Variants in DGKH observed in about 807,000 individuals in gnomAD.
The protein encoded by DGKH is diacylglycerol kinase eta, also known as DAG kinase eta.
Under a neutral mutation model 159.3 loss-of-function variants are expected in DGKH, and 90 were observed. The ratio of observed to expected loss-of-function variants is 0.57; its 90% CI spans 0.48 to 0.67. DGKH has a LOEUF of 0.67. DGKH is among the 30% of genes least tolerant of loss of function. DGKH has a pLI of 0.00. For missense variants in DGKH, 1,181 were observed against 1,506.1 expected (o/e 0.78, Z 3.57); for synonymous variants, 536 against 553.8 (o/e 0.97, Z 0.45).
At chr13:42,061,955 G>A (rs1593968374) in intron 1 of DGKH, among the ~76,000 whole-genome samples, 1 of 151,114 alleles carries the variant, frequency 6.6e-6, no homozygotes, top group African/African-American at 2.4e-5. Context: ...GATAAAGCAG[G>A]GTAAAGGGAG....
intron 1 of DGKH, among the ~76,000 whole-genome samples, chr13:42,087,044 A>AAC (rs71298957): frequency 0.25 from 35,016 of 139,914 alleles, 4,382 homozygotes; most frequent in South Asian, 0.32. Flanking sequence ...CCAGAAGGAA[A>AAC]ACACACACAC....
chr13:42,199,586 G>A lies in DGKH; in HGVS notation c.2306G>A (p.Cys769Tyr). 1 of 1,590,156 alleles carries A rather than the reference G, an allele frequency of 6.3e-7. No individual in the cohort carries two copies. Among genetic ancestry groups the A allele is most frequent in the Non-Finnish European group, 8.5e-7 (1 of 1,172,608 alleles). Residue 769 changes from cysteine to tyrosine, a missense_variant, in exon 19 of 30, where the codon TGT becomes TAT. By Grantham distance (194) the Cys-to-Tyr change is radical. Coordinates refer to ENST00000337343, the MANE Select transcript of DGKH (RefSeq NM_178009.5). ...LDSVDGYSEK[C>Y]VMNNYFGIGL... Reference sequence around the variant, plus strand: ...CATAGAGATGGATATTCAGAAAAATGTGTCATGAACAATTACTTTGGGATT... The same window carrying A: ...CATAGAGATGGATATTCAGAAAAATATGTCATGAACAATTACTTTGGGATT...
chr13:42,105,708 T>C (rs1230950884), intron 1 of DGKH, among the ~76,000 whole-genome samples: 1 of 152,236 alleles, frequency 6.6e-6, no homozygotes, highest in Non-Finnish European at 1.5e-5. Context: ...TGGTAAGCTT[T>C]ATAAGTAGAT....
chr13:42,223,821 A>T (rs936842892), intron 29 of DGKH, among the ~76,000 whole-genome samples: 10 of 152,212 alleles, frequency 6.6e-5, no homozygotes, highest in Non-Finnish European at 1.3e-4. Flanking sequence ...ATAGTGGTTA[A>T]GTCAGGGCTT....
At chr13:42,112,890 T>C (rs1954890503) in intron 1 of DGKH, among the ~76,000 whole-genome samples, 1 of 152,202 alleles carries the variant, frequency 6.6e-6, no homozygotes, top group East Asian at 1.9e-4. Flanking sequence ...CATTCTTCTC[T>C]GCCCGTGTCC....
At chr13:42,256,072 C>T (rs1958655386) in intron 30 of DGKH, 1 of 1,296,114 alleles carries the variant, frequency 7.7e-7, no homozygotes, top group Non-Finnish European at 1.1e-6. Flanking sequence ...GAGAACTGAT[C>T]TTGCCTGAAA....
chr13:42,125,352 T>G (rs1955149560), intron 1 of DGKH, among the ~76,000 whole-genome samples: 1 of 152,212 alleles, frequency 6.6e-6, no homozygotes, highest in African/African-American at 2.4e-5. Flanking sequence ...TGCCATCTAT[T>G]GAATGTTTTC....
At chr13:42,045,892 C>T (rs561673117), upstream of DGKH, among the ~76,000 whole-genome samples, 4 of 152,168 alleles carry the variant, frequency 2.6e-5, no homozygotes, top group Non-Finnish European at 5.9e-5. Context: ...ATTCAAAATA[C>T]CTCTGTAGAA....
At chr13:42,126,079 T>C (rs1347305682) in intron 1 of DGKH, among the ~76,000 whole-genome samples, 1 of 152,236 alleles carries the variant, frequency 6.6e-6, no homozygotes. Flanking sequence ...GGTAATCCTA[T>C]AGAAAGGCTC....
intron 14 of DGKH, among the ~76,000 whole-genome samples, chr13:42,188,038 GAT>G (rs1205716185): frequency 1.2e-3 from 185 of 152,220 alleles, no homozygotes; most frequent in Non-Finnish European, 2.4e-3. Context: ...CCATGTTGGA[GAT>G]GGCAGTTTAA....
intron 11 of DGKH, among the ~76,000 whole-genome samples, chr13:42,169,648 A>G (rs1956398130): frequency 6.6e-6 from 1 of 152,204 alleles, no homozygotes; most frequent in African/African-American, 2.4e-5. Context: ...AAAATAACAA[A>G]ATTTCACCAG....
intron 1 of DGKH, among the ~76,000 whole-genome samples, chr13:42,112,984 T>C (rs186435060): frequency 2.4e-4 from 36 of 152,364 alleles, no homozygotes; most frequent in African/African-American, 6.7e-4. Context: ...AGTCTTCATC[T>C]GCAGTTGGAT....
intron 8 of DGKH, among the ~76,000 whole-genome samples, chr13:42,165,711 A>G (rs1386280085): frequency 1.3e-5 from 2 of 151,736 alleles, no homozygotes; most frequent in East Asian, 1.9e-4. Flanking sequence ...CTGTACGGCA[A>G]TACAATCTGA....
At chr13:42,109,450 C>A (rs553887602) in intron 1 of DGKH, among the ~76,000 whole-genome samples, 19 of 152,298 alleles carry the variant, frequency 1.2e-4, no homozygotes, top group African/African-American at 4.6e-4. Context: ...GATTACACCA[C>A]AACGCAAAGG....
At chr13:42,159,052 A>G (rs1313571712) in intron 5 of DGKH, among the ~76,000 whole-genome samples, 1 of 152,076 alleles carries the variant, frequency 6.6e-6, no homozygotes, top group African/African-American at 2.4e-5. Flanking sequence ...GTCTACTTAT[A>G]GCTTTATAAA....
At chr13:42,208,344 A>G (rs1957557493) in intron 21 of DGKH, among the ~76,000 whole-genome samples, 1 of 152,138 alleles carries the variant, frequency 6.6e-6, no homozygotes, top group Non-Finnish European at 1.5e-5. Context: ...TTTTGTGAAA[A>G]TGCATCTAAT....
rs114401180 is a variant in DGKH, at chr13:42,218,453, A to G, written c.3214-777A>G. 5.9e-3 allele frequency among the ~76,000 whole-genome samples: 878 copies of G among 147,638 alleles called. 4 individuals carry two copies. The highest frequency in any genetic ancestry group is 0.021 in the African/African-American group (831 of 40,176). On this transcript the variant is annotated intron_variant, in intron 26 of 29. Coordinates refer to ENST00000337343, the MANE Select transcript of DGKH (RefSeq NM_178009.5). ...GAGATTTTTCTGCAGTTCTTTTTAT[A>G]TGACAAGTTTTTAACCAGTTTAAAA...
chr13:42,164,313 C>T (rs978838366), intron 7 of DGKH, among the ~76,000 whole-genome samples: 2 of 152,034 alleles, frequency 1.3e-5, no homozygotes, highest in African/African-American at 4.8e-5. Context: ...TGTTTTGCTC[C>T]ATGGTTCTTA....
intron 17 of DGKH, among the ~76,000 whole-genome samples, chr13:42,197,753 T>G (rs1480510239): frequency 6.6e-6 from 1 of 152,148 alleles, no homozygotes; most frequent in Non-Finnish European, 1.5e-5. Flanking sequence ...TTTTCTAATT[T>G]CCTCGTGTTT....
Sources: allele counts gnomAD v4.1 joint callset (sites outside exome capture counted in the v4.1 genomes callset), GRCh38; gene constraint gnomAD v4.1.1; transcripts MANE v1.5; gene names NCBI Gene and HGNC (gene_info 2026-07-23, HGNC 2026-07-21).